DNA2: variants seen among roughly 807,000 people sequenced by gnomAD.
DNA2 encodes DNA replication ATP-dependent helicase/nuclease DNA2.
In DNA2, 101 loss-of-function variants were observed where a neutral mutation model predicts 119.1. The observed-to-expected ratio is 0.85, with a 90% CI of 0.72 to 1.00. DNA2 has a LOEUF of 1.00. Among genes scored for constraint, DNA2 ranks in the 50% least tolerant of loss-of-function variants. The pLI, the probability that DNA2 is intolerant of heterozygous loss-of-function variation, is 0.00. For missense variants in DNA2, 1,121 were observed against 1,255.5 expected (o/e 0.89, Z 1.62); for synonymous variants, 366 against 424.4 (o/e 0.86, Z 1.69).
intron 17 of DNA2, among the ~76,000 whole-genome samples, chr10:68,421,736 C>G (rs891372771): frequency 1.3e-5 from 2 of 151,540 alleles, no homozygotes; most frequent in Admixed American, 6.6e-5. Flanking sequence ...AGCAAGACTC[C>G]GTCTCAAAAA....
intron 9 of DNA2, among the ~76,000 whole-genome samples, chr10:68,440,118 A>G (rs1442087311): frequency 6.6e-6 from 1 of 151,972 alleles, no homozygotes; most frequent in Non-Finnish European, 1.5e-5. Context: ...AGCCTGGCCA[A>G]CATGGCAAAA....
chr10:68,420,509 C>G (rs1039840237), intron 17 of DNA2, among the ~76,000 whole-genome samples: 5 of 152,170 alleles, frequency 3.3e-5, no homozygotes, highest in Admixed American at 3.3e-4. Flanking sequence ...TGCACTCCAG[C>G]CTGGGAGTCA....
chr10:68,442,736 G>A (rs1435321885), intron 9 of DNA2, among the ~76,000 whole-genome samples, 181 bp downstream of exon 9: 1 of 152,202 alleles, frequency 6.6e-6, no homozygotes, highest in Non-Finnish European at 1.5e-5. Context: ...GCAGCACATA[G>A]GATACACAGG....
intron 3 of DNA2, 82 bp downstream of exon 3, chr10:68,468,041 G>T (rs1304723021): frequency 9.6e-7 from 1 of 1,040,628 alleles, no homozygotes; most frequent in African/African-American, 1.6e-5. Flanking sequence ...GTTGCTGGGA[G>T]GATTAAGTGA....
At chr10:68,430,050 A>AT (rs1197067336) in intron 14 of DNA2, among the ~76,000 whole-genome samples, 4 of 151,016 alleles carry the variant, frequency 2.6e-5, no homozygotes, top group African/African-American at 4.9e-5. Context: ...CGCCCGGCTA[A>AT]TTTTTTTTGT....
chr10:68,446,253 G>T, intron 7 of DNA2, 43 bp downstream of exon 7: 1 of 1,033,078 alleles, frequency 9.7e-7, no homozygotes, highest in South Asian at 1.4e-5. Flanking sequence ...GCTGAAGTGG[G>T]GGGGTGGGCA....
intron 19 of DNA2, among the ~76,000 whole-genome samples, chr10:68,417,596 T>C (rs1215385803): frequency 6.9e-6 from 1 of 144,932 alleles, no homozygotes; most frequent in Non-Finnish European, 1.5e-5. Flanking sequence ...GATATTACAG[T>C]GAGCCGAGAT....
At chr10:68,422,132 A>G (rs776401548) in intron 17 of DNA2, 93 bp downstream of exon 17, 7 of 1,079,880 alleles carry the variant, frequency 6.5e-6, no homozygotes, top group East Asian at 5.2e-5. Context: ...CTTTTAACTG[A>G]TAAGCTCTAA....
chr10:68,443,603 C>T (rs935137577), intron 8 of DNA2, among the ~76,000 whole-genome samples: 4 of 152,146 alleles, frequency 2.6e-5, no homozygotes, highest in Admixed American at 6.6e-5. Context: ...AGACTTCCTA[C>T]GGTTCACAGT....
chr10:68,434,455 C>A (rs1281354470), intron 10 of DNA2, among the ~76,000 whole-genome samples: 1 of 149,014 alleles, frequency 6.7e-6, no homozygotes, highest in East Asian at 2.0e-4. Flanking sequence ...CAAGACCAGG[C>A]TGGGCAACGT....
At chr10:68,467,118 T>C (rs1460703393) in intron 3 of DNA2, among the ~76,000 whole-genome samples, 1 of 151,992 alleles carries the variant, frequency 6.6e-6, no homozygotes, top group Non-Finnish European at 1.5e-5. Flanking sequence ...CCAAAATACA[T>C]TTTTGTTTGT....
rs951836392 is a variant in DNA2 at position 68,437,228 on chromosome 10, T to A, written c.1429A>T (p.Ser477Cys). 9 of 1,605,034 alleles carry A rather than the reference T, an allele frequency of 5.6e-6. No individual in the cohort carries two copies. Among genetic ancestry groups the A allele is most frequent in the Non-Finnish European group, 7.7e-6 (9 of 1,173,014 alleles). ...ATTCTAATCAGGTTTCCAATGCAAC[T>A]GCCACTCTTCTCCCTATGAAAAGAC... ...MPASEMEKSG[S>C]CIGNLIRMEH... is the part of the protein sequence containing the mutation. The change falls in exon 10 of 21, where the codon AGT (serine) becomes TGT (cysteine). Residue 477 changes from serine to cysteine, a missense_variant. Coordinates refer to ENST00000358410, the MANE Select transcript of DNA2 (RefSeq NM_001080449.3).
At chr10:68,465,597 T>C (rs2052317370) in intron 4 of DNA2, 70 bp downstream of exon 4, 9 of 1,191,836 alleles carry the variant, frequency 7.6e-6, no homozygotes, top group Middle Eastern at 2.3e-4. Context: ...TCTACACAAA[T>C]ACTTTATAGT....
At position 68,471,924 on chromosome 10, in the gene DNA2, G is replaced by A. The variant is rs749265245; in HGVS notation, c.-60C>T. ...AGACAGCGGAACCGGGGGTAACACA[G>A]AAAGCTTAGAAAAGGGAAAAAGGCG... On this transcript the variant is annotated 5_prime_UTR_variant, in exon 1 of 21. Coordinates refer to ENST00000358410, the MANE Select transcript of DNA2 (RefSeq NM_001080449.3). 21 of 1,613,610 alleles carry A rather than the reference G, an allele frequency of 1.3e-5. No individual in the cohort carries two copies. The highest frequency in any genetic ancestry group is 1.6e-5 in the Non-Finnish European group (19 of 1,179,674).
At chr10:68,418,829 C>T (rs528998247) in intron 19 of DNA2, among the ~76,000 whole-genome samples, 26 of 151,918 alleles carry the variant, frequency 1.7e-4, no homozygotes, top group African/African-American at 3.1e-4. Context: ...CCTGCCACCA[C>T]GCCCGGCTAA....
Position 68,471,884 on chromosome 10 carries a change from A to C in DNA2, c.-20T>G. The C allele has an allele frequency of 6.2e-7, 1 of 1,613,942 alleles. No homozygotes were observed. Among genetic ancestry groups the C allele is most frequent in the Non-Finnish European group, 8.5e-7 (1 of 1,179,812 alleles). On this transcript the variant is annotated 5_prime_UTR_variant, in exon 1 of 21. Transcript: ENST00000358410. ...CTCCATCCTGGACGCGGGGATCGCA[A>C]ACTGTAGACAGAAAAGACAGCGGAA...
chr10:68,468,779 G>C (rs1157763898), intron 2 of DNA2, among the ~76,000 whole-genome samples: 2 of 152,174 alleles, frequency 1.3e-5, no homozygotes, highest in Admixed American at 6.5e-5. Flanking sequence ...GGCCAGGCGC[G>C]GTGGCTCATG....
rs1004184934 is a variant in DNA2 at position 68,414,417 on chromosome 10, A to C, written c.*622T>G. ...ATTTATTATCAATTCAGAAAACAAA[A>C]TTTGTTGCAAAAGATGATGTAAGAA... On this transcript the variant is annotated 3_prime_UTR_variant, in exon 21 of 21. Coordinates refer to ENST00000358410, the MANE Select transcript of DNA2 (RefSeq NM_001080449.3). 4 of 152,178 alleles carry C rather than the reference A, an allele frequency of 2.6e-5. No homozygotes were observed. Among genetic ancestry groups the C allele is most frequent in the African/African-American group, 9.6e-5 (4 of 41,454 alleles). 9.4% of individuals were successfully genotyped at this position (152,178 alleles called of 1,614,324 possible).
In DNA2 at chr10:68,470,000, A is replaced by G; in HGVS notation, c.238T>C (p.Cys80Arg). ...ASQSLENKEL[C>R]ILRNDWCSVP... ...AATTACCAGTCATTCCTAAGGATGCATAGTTCTTTATTTTCTAGTGACTGT... is the reference window on the plus strand; with the variant it reads ...AATTACCAGTCATTCCTAAGGATGCGTAGTTCTTTATTTTCTAGTGACTGT... The change falls in exon 2 of 21, where the codon TGC (cysteine) becomes CGC (arginine). Residue 80 changes from cysteine (C) to arginine (R), a missense_variant. Coordinates refer to ENST00000358410, the MANE Select transcript of DNA2 (RefSeq NM_001080449.3). 6.2e-7 allele frequency: 1 copy of G among 1,605,526 alleles called. No homozygotes were observed. Among genetic ancestry groups the G allele is most frequent in the Non-Finnish European group, 8.5e-7 (1 of 1,178,098 alleles).
Sources: allele counts gnomAD v4.1 joint callset (sites outside exome capture counted in the v4.1 genomes callset), GRCh38; gene constraint gnomAD v4.1.1; transcripts MANE v1.5; gene names NCBI Gene and HGNC (gene_info 2026-07-23, HGNC 2026-07-21).